Variants in TRPA1 observed in about 807,000 individuals in gnomAD.
TRPA1 encodes the protein transient receptor potential cation channel subfamily A member 1, also known as ankyrin-like with transmembrane domains 1.
Under a neutral mutation model 131.3 loss-of-function variants are expected in TRPA1, and 129 were observed. The observed-to-expected ratio is 0.98, with a 90% CI of 0.85 to 1.14. The LOEUF (loss-of-function observed/expected upper bound fraction) is 1.14. Ranked by LOEUF, TRPA1 falls within the 50% of genes most tolerant of loss-of-function variation. The pLI is 0.00. For missense variants in TRPA1, 1,304 were observed against 1,354.2 expected (o/e 0.96, Z 0.58); for synonymous variants, 441 against 451.7 (o/e 0.98, Z 0.30).
the TRPA1 span, among the ~76,000 whole-genome samples, chr8:72,087,720 A>T: frequency 6.6e-6 from 1 of 151,852 alleles, no homozygotes; most frequent in Non-Finnish European, 1.5e-5. Flanking sequence ...ATATTCTCAC[A>T]TTTTAAATTT....
At chr8:72,084,020 G>T in the TRPA1 span, among the ~76,000 whole-genome samples, 1 of 152,158 alleles carries the variant, frequency 6.6e-6, no homozygotes, top group South Asian at 2.1e-4. Context: ...TCACAGAGAT[G>T]AAAGTTGACA....
chr8:72,046,954 A>T (rs917546196), intron 16 of TRPA1, among the ~76,000 whole-genome samples, 194 bp downstream of exon 16: 8 of 152,062 alleles, frequency 5.3e-5, no homozygotes, highest in African/African-American at 2.4e-5. Flanking sequence ...ATGCTATTAG[A>T]AACTATTAAA....
In TRPA1 at chr8:72,053,795, A is replaced by C; in HGVS notation, c.1602T>G (p.Leu534=). ...GGYTQTMKVI[L]DTNLKCTDRL... ...GATCTGTGCACTTCAAATTAGTATC[A>C]AGAATGACCTTCATGGTCTGAGTGT... Residue 534 remains leucine, a synonymous_variant, in exon 13 of 27, where the codon CTT becomes CTG. Coordinates refer to ENST00000262209, the MANE Select transcript of TRPA1 (RefSeq NM_007332.3). The C allele has an allele frequency of 6.2e-7, 1 of 1,612,696 alleles. No individual in the cohort carries two copies. Among genetic ancestry groups the C allele is most frequent in the Non-Finnish European group, 8.5e-7 (1 of 1,179,858 alleles).
intron 1 of TRPA1, among the ~76,000 whole-genome samples, chr8:72,074,316 T>G (rs1806128309): frequency 6.6e-6 from 1 of 152,152 alleles, no homozygotes; most frequent in African/African-American, 2.4e-5. Context: ...AATCTACAAG[T>G]GCCAATTTGA....
chr8:72,033,756 C>G lies in TRPA1; in HGVS notation c.2756G>C (p.Arg919Pro), dbSNP rs145505945. The G allele has an allele frequency of 6.2e-7, 1 of 1,613,704 alleles. No individual in the cohort carries two copies. The highest frequency in any genetic ancestry group is 8.5e-7 in the Non-Finnish European group (1 of 1,179,898). Reference sequence around the variant, plus strand: ...CAGATATGGTTCTAGGAAGGACTCTCGATAATTGATATCTCCTAGCATCAT... The same window carrying G: ...CAGATATGGTTCTAGGAAGGACTCTGGATAATTGATATCTCCTAGCATCAT... ...FSMMLGDINY[R>P]ESFLEPYLRN... The change falls in exon 23 of 27, where the codon CGA becomes CCA. Residue 919 changes from arginine to proline, a missense_variant. Transcript: ENST00000262209.
Position 72,022,349 on chromosome 8 carries a change from A to G in TRPA1, c.*557T>C. The G allele has an allele frequency of 5.5e-6, 1 of 182,556 alleles. No individual in the cohort carries two copies. The highest frequency in any genetic ancestry group is 1.2e-5 in the Non-Finnish European group (1 of 86,440). 11.3% of individuals were successfully genotyped at this position (182,556 alleles called of 1,614,324 possible). A position where few individuals can be genotyped will look rare whatever the true frequency, so the allele number is the denominator to read the frequency against. On this transcript the variant is annotated 3_prime_UTR_variant, in exon 27 of 27. Transcript: ENST00000262209. Reference sequence around the variant, plus strand: ...AAGTGACATCAGGTGTGTTGGGGACAGCAAGAAGGGTGGGGCTATTCATCA... The same window carrying G: ...AAGTGACATCAGGTGTGTTGGGGACGGCAAGAAGGGTGGGGCTATTCATCA...
intron 1 of TRPA1, among the ~76,000 whole-genome samples, chr8:72,074,102 A>C (rs1806123060): frequency 6.6e-6 from 1 of 152,252 alleles, no homozygotes; most frequent in Admixed American, 6.5e-5. Context: ...GGACTTTGAC[A>C]TACAGACATA....
intron 23 of TRPA1, among the ~76,000 whole-genome samples, chr8:72,033,245 C>T (rs1811900197): frequency 6.6e-6 from 1 of 152,218 alleles, no homozygotes; most frequent in Non-Finnish European, 1.5e-5. Flanking sequence ...ACACCTTCAT[C>T]TTTATTGCCT....
chr8:72,024,062 CAT>C (rs1443162813), intron 25 of TRPA1, 151 bp from the exon 26 acceptor site: 1 of 620,328 alleles, frequency 1.6e-6, no homozygotes, highest in Non-Finnish European at 2.9e-6. Context: ...GAGAAAGAGA[CAT>C]GTGAAGAAAG....
In TRPA1 at chr8:72,053,013, G is replaced by A. The variant is rs1277534471; in HGVS notation, c.1645-248C>T. The A allele has an allele frequency of 1.8e-3, 390 of 215,348 alleles. 3 individuals carry two copies. The highest frequency in any genetic ancestry group is 9.1e-3 in the African/African-American group (278 of 30,532). 13.3% of individuals were successfully genotyped at this position (215,348 alleles called of 1,614,324 possible). ...TGTGTGTGAGAGATAGAGAAAGAGA[G>A]AGAGAGAGAGAGAGAGAGAGAGAGA... On this transcript the variant is annotated intron_variant, in intron 13 of 26. Transcript: ENST00000262209.
chr8:72,061,501 C>A, intron 7 of TRPA1, 124 bp downstream of exon 7: 1 of 1,121,776 alleles, frequency 8.9e-7, no homozygotes, highest in Admixed American at 1.7e-5. Context: ...TCTTTGTTAT[C>A]TTTGCCCTTT....
chr8:72,089,049 G>C, the TRPA1 span, among the ~76,000 whole-genome samples: 2 of 152,054 alleles, frequency 1.3e-5, no homozygotes, highest in Non-Finnish European at 2.9e-5. Flanking sequence ...TCAAATTTTA[G>C]AATAAAATAA....
chr8:72,072,337 A>G (rs1248061634), intron 1 of TRPA1, among the ~76,000 whole-genome samples: 1 of 152,242 alleles, frequency 6.6e-6, no homozygotes, highest in East Asian at 1.9e-4. Flanking sequence ...TGTATCCTTA[A>G]TATAACTAAG....
chr8:72,085,189 A>G, the TRPA1 span, among the ~76,000 whole-genome samples: 2 of 152,150 alleles, frequency 1.3e-5, no homozygotes, highest in East Asian at 3.8e-4. Context: ...CACTTTTTAA[A>G]AATTTGTTGA....
In TRPA1 at chr8:72,059,336, G is replaced by T; in HGVS notation, c.993+54C>A. 3 of 1,183,438 alleles carry T rather than the reference G, an allele frequency of 2.5e-6. No homozygotes were observed. In the South Asian group the frequency reaches 4.4e-5, roughly 17 times the overall value. The allele number at this position is 1,183,438 out of a possible 1,614,324, so 73.3% of individuals were successfully genotyped here. A position where few individuals can be genotyped will look rare whatever the true frequency, so the allele number is the denominator to read the frequency against. Reference sequence around the variant, plus strand: ...GAAAATCCATATTATGTAATTATACGATTTCTTAAATTATAAATAGTAATA... The same window carrying T: ...GAAAATCCATATTATGTAATTATACTATTTCTTAAATTATAAATAGTAATA... On this transcript the variant is annotated intron_variant, in intron 8 of 26. Coordinates refer to ENST00000262209, the MANE Select transcript of TRPA1 (RefSeq NM_007332.3).
chr8:72,085,186 T>TA, the TRPA1 span, among the ~76,000 whole-genome samples: 1 of 152,242 alleles, frequency 6.6e-6, no homozygotes, highest in African/African-American at 2.4e-5. Context: ...CTACACTTTT[T>TA]AAAAATTTGT....
At chr8:72,032,624 C>A (rs1204057836) in intron 23 of TRPA1, among the ~76,000 whole-genome samples, 1 of 152,160 alleles carries the variant, frequency 6.6e-6, no homozygotes. Context: ...ATGGGGCCAA[C>A]CTGTACTACT....
intron 13 of TRPA1, chr8:72,053,360 C>A: frequency 3.8e-6 from 1 of 265,588 alleles, no homozygotes. Context: ...TTACTCTCCC[C>A]AAAGGAAGGA....
rs767451333 is a variant in TRPA1, at chr8:72,053,843, C to T, written c.1554G>A (p.Leu518=). ...FLSDHNGWTA[L]HHASMGGYTQ... ...TGTACCCGCCCATGGACGCATGATGCAAAGCTGTCCAGCCATTGTGGTCAC... is the reference window on the plus strand; with the variant it reads ...TGTACCCGCCCATGGACGCATGATGTAAAGCTGTCCAGCCATTGTGGTCAC... Residue 518 remains leucine (L), a synonymous_variant, in exon 13 of 27, where the codon TTG becomes TTA. Coordinates refer to ENST00000262209, the MANE Select transcript of TRPA1 (RefSeq NM_007332.3). 28 of 1,611,554 alleles carry T rather than the reference C, an allele frequency of 1.7e-5. No homozygotes were observed. In the South Asian group the frequency reaches 3.1e-4, roughly 18 times the overall value.
Sources: gnomAD v4.1 joint callset for allele counts (sites outside exome capture counted in the v4.1 genomes callset) on GRCh38, gnomAD v4.1.1 for gene constraint, MANE v1.5 for transcripts, NCBI Gene and HGNC (gene_info 2026-07-23, HGNC 2026-07-21) for gene names.